Variants in RIPOR2 observed in about 807,000 individuals in gnomAD.
RIPOR2 encodes rho family-interacting cell polarization regulator 2.
Under a neutral mutation model 114.5 loss-of-function variants are expected in RIPOR2, and 39 were observed. The ratio of observed to expected loss-of-function variants is 0.34; its 90% CI spans 0.26 to 0.44. The LOEUF (loss-of-function observed/expected upper bound fraction) is 0.44. Among genes scored for constraint, RIPOR2 ranks in the 20% least tolerant of loss-of-function variants. The pLI is 1.00. For missense variants in RIPOR2, 1,007 were observed against 1,255.1 expected, an observed-to-expected ratio of 0.80 and a Z score of 2.99; for synonymous variants, 445 against 484.4, an observed-to-expected ratio of 0.92 and a Z score of 1.07.
rs1163959704 is a variant in RIPOR2, at chr6:24,828,289, C to T, written c.2513G>A (p.Arg838Gln). 3.4e-5 allele frequency: 52 copies of T among 1,544,576 alleles called. No homozygotes were observed. Among genetic ancestry groups the T allele is most frequent in the Admixed American group, 6.0e-5 (3 of 49,918 alleles). ...GTCCAGAATTTGGGACACCAGGGTT[C>T]GAAACACTATTCGGAAGGGAAAGAC... ...EYPGLADPVF[R>Q]TLVSQILDRA... Residue 838 changes from arginine to glutamine, a missense_variant, in exon 18 of 22, where the codon CGA becomes CAA. Transcript: ENST00000643898.
intron 1 of RIPOR2, among the ~76,000 whole-genome samples, chr6:24,999,203 GCTGA>G (rs772453609): frequency 7.9e-5 from 12 of 152,322 alleles, no homozygotes; most frequent in Admixed American, 3.3e-4. Context: ...TGTGGACCAA[GCTGA>G]CTGAGACTGA....
chr6:25,033,919 A>C (rs1335368307), intron 1 of RIPOR2, among the ~76,000 whole-genome samples: 1 of 151,960 alleles, frequency 6.6e-6, no homozygotes, highest in Non-Finnish European at 1.5e-5. Context: ...TTCAAATGTT[A>C]CTTGGATTAA....
intron 1 of RIPOR2, among the ~76,000 whole-genome samples, chr6:25,000,036 A>G (rs1561835846): frequency 1.3e-5 from 2 of 151,958 alleles, no homozygotes; most frequent in Non-Finnish European, 1.5e-5. Context: ...ATTCCTTGCC[A>G]CCCTTCATCT....
At chr6:24,961,500 T>C (rs1773306750) in intron 1 of RIPOR2, among the ~76,000 whole-genome samples, 1 of 152,166 alleles carries the variant, frequency 6.6e-6, no homozygotes, top group South Asian at 2.1e-4. Flanking sequence ...CTGGGGCAAG[T>C]CACTTAACCT....
At chr6:25,019,774 C>CAAAAAAAAAAAAAAAAAAAAAAAAA (rs34107737) in intron 1 of RIPOR2, among the ~76,000 whole-genome samples, 24 of 53,092 alleles carry the variant, frequency 4.5e-4, no homozygotes, top group Non-Finnish European at 6.8e-4. Context: ...GACTCTGTCT[C>CAAAAAAAAAAAAAAAAAAAAAAAAA]AAAAAAAAAA....
At chr6:24,992,329 A>G (rs1774860115) in intron 1 of RIPOR2, among the ~76,000 whole-genome samples, 1 of 152,108 alleles carries the variant, frequency 6.6e-6, no homozygotes, top group African/African-American at 2.4e-5. Context: ...TGGTTCCAAT[A>G]TGCACGAATT....
intron 1 of RIPOR2, among the ~76,000 whole-genome samples, chr6:24,935,320 C>CAAAAAA (rs976245217): frequency 4.6e-5 from 1 of 21,724 alleles, no homozygotes; most frequent in Non-Finnish European, 8.6e-5. Context: ...AAAACAACAA[C>CAAAAAA]AAAAAAAAAA....
intron 1 of RIPOR2, among the ~76,000 whole-genome samples, chr6:24,901,784 T>C (rs1768466027): frequency 6.6e-6 from 1 of 152,138 alleles, no homozygotes; most frequent in Non-Finnish European, 1.5e-5. Context: ...TAAGTGGACC[T>C]CCCGGGGTGG....
At chr6:24,902,212 C>A (rs926828082) in intron 1 of RIPOR2, among the ~76,000 whole-genome samples, 1 of 149,470 alleles carries the variant, frequency 6.7e-6, no homozygotes, top group Non-Finnish European at 1.5e-5. Flanking sequence ...TTCTTTCTTT[C>A]TTTTTCTTTT....
chr6:24,910,024 G>T (rs1315042049), intron 1 of RIPOR2, among the ~76,000 whole-genome samples: 1 of 152,080 alleles, frequency 6.6e-6, no homozygotes, highest in African/African-American at 2.4e-5. Context: ...CCCTTCGAAC[G>T]TGAGGGGTCT....
chr6:25,028,065 A>C (rs983835967), intron 1 of RIPOR2, among the ~76,000 whole-genome samples: 2 of 152,232 alleles, frequency 1.3e-5, no homozygotes, highest in African/African-American at 4.8e-5. Context: ...TGCATAAAAA[A>C]GTATTCAGGG....
chr6:24,967,036 C>T (rs1773558943), intron 1 of RIPOR2, among the ~76,000 whole-genome samples: 2 of 152,160 alleles, frequency 1.3e-5, no homozygotes, highest in Admixed American at 6.5e-5. Flanking sequence ...TGTCTTCCCC[C>T]TACTTGGTTC....
At chr6:24,925,802 T>A (rs1445448923) in intron 1 of RIPOR2, among the ~76,000 whole-genome samples, 1 of 152,226 alleles carries the variant, frequency 6.6e-6, no homozygotes, top group Admixed American at 6.5e-5. Flanking sequence ...TCATAACTTT[T>A]ATGAGTGGCA....
intron 1 of RIPOR2, among the ~76,000 whole-genome samples, chr6:25,028,545 G>A (rs751952315): frequency 6.6e-6 from 1 of 152,192 alleles, no homozygotes; most frequent in Non-Finnish European, 1.5e-5. Flanking sequence ...AACCTCATAG[G>A]GTTGGACTGA....
At chr6:25,027,655 G>A (rs557755223) in intron 1 of RIPOR2, among the ~76,000 whole-genome samples, 1 of 152,348 alleles carries the variant, frequency 6.6e-6, no homozygotes, top group South Asian at 2.1e-4. Flanking sequence ...CAGTGCTGGG[G>A]AGAAAGAGGG....
intron 10 of RIPOR2, 93 bp downstream of exon 10, chr6:24,850,503 AG>A: frequency 1.5e-6 from 2 of 1,370,702 alleles, no homozygotes; most frequent in Non-Finnish European, 2.1e-6. Flanking sequence ...TGTGGGATGG[AG>A]GGGCAACAGG....
At chr6:24,919,037 A>C (rs898230610) in intron 1 of RIPOR2, among the ~76,000 whole-genome samples, 5 of 152,222 alleles carry the variant, frequency 3.3e-5, no homozygotes, top group Admixed American at 1.3e-4. Flanking sequence ...CCATGGGCCC[A>C]GCACAGTTTC....
At chr6:24,865,472 A>G (rs565780194) in intron 6 of RIPOR2, 22 bp from the exon 7 acceptor site, 2 of 1,585,762 alleles carry the variant, frequency 1.3e-6, no homozygotes, top group South Asian at 2.3e-5. Context: ...AAAACAGGAA[A>G]CAGAAATAAA....
At chr6:24,882,878 A>G (rs1766482981) in intron 1 of RIPOR2, among the ~76,000 whole-genome samples, 1 of 152,172 alleles carries the variant, frequency 6.6e-6, no homozygotes, top group Non-Finnish European at 1.5e-5. Context: ...CCTTTGAATA[A>G]TAAGAGGAAA....
Sources: gnomAD v4.1 joint callset for allele counts (sites outside exome capture counted in the v4.1 genomes callset) on GRCh38, gnomAD v4.1.1 for gene constraint, MANE v1.5 for transcripts, NCBI Gene and HGNC (gene_info 2026-07-23, HGNC 2026-07-21) for gene names.